The following LAMC2 variants were observed in gnomAD, a reference collection of about 807,000 sequenced individuals.
LAMC2 encodes laminin subunit gamma-2.
Under a neutral mutation model 140.2 loss-of-function variants are expected in LAMC2, and 97 were observed. The ratio of observed to expected loss-of-function variants is 0.69; its 90% CI spans 0.59 to 0.82. The LOEUF (loss-of-function observed/expected upper bound fraction) is 0.82. LAMC2 is among the 40% of genes least tolerant of loss of function. LAMC2 has a pLI of 0.00. For synonymous variants in LAMC2, 513 were observed against 540.2 expected, an observed-to-expected ratio of 0.95 and a Z score of 0.70; for missense variants, 1,402 against 1,476.1, an observed-to-expected ratio of 0.95 and a Z score of 0.82.
Position 183,223,203 on chromosome 1 carries a change from G to C in LAMC2, c.832G>C (p.Gly278Arg), listed in dbSNP as rs150293100. The change falls in exon 7 of 23, where the codon GGA becomes CGA. Residue 278 changes from glycine (G) to arginine (R), a missense_variant. This residue lies in a region of LAMC2 where 723 missense variants were observed against 783.3 expected (regional missense o/e 0.92). Transcript: ENST00000264144. ...SLSFDYRVDR[G>R]GRHPSAHDVI... is the part of the protein sequence containing the mutation. ...GTCCTTTGACTACCGTGTGGACAGA[G>C]GAGGCAGACACCCATCTGCCCATGA... is the stretch of plus-strand genomic sequence containing the variant. 71 of 1,614,010 alleles carry C rather than the reference G, an allele frequency of 4.4e-5. No homozygotes were observed. In the African/African-American group the frequency reaches 8.4e-4, roughly 19 times the overall value.
chr1:183,189,177 G>A lies in LAMC2; in HGVS notation c.79+2746G>A, dbSNP rs1658246696. 2.0e-5 allele frequency among the ~76,000 whole-genome samples: 3 copies of A among 152,330 alleles called. 1 individual carries two copies. Among genetic ancestry groups the A allele is most frequent in the Non-Finnish European group, 4.4e-5 (3 of 68,024 alleles). On this transcript the variant is annotated intron_variant, in intron 1 of 22. Coordinates refer to ENST00000264144, the MANE Select transcript of LAMC2 (RefSeq NM_005562.3). ...AAGAATGTGGTGATCCAATAAGTCT[G>A]TGTGTTAGGGATATGAGTATAGGAA...
chr1:183,203,399 A>G (rs931824032), intron 1 of LAMC2, among the ~76,000 whole-genome samples: 5 of 152,232 alleles, frequency 3.3e-5, no homozygotes, highest in Admixed American at 1.3e-4. Context: ...GACCACATAC[A>G]AGCTACATTA....
the LAMC2 span, chr1:183,252,249 G>T: frequency 5.5e-6 from 1 of 181,054 alleles, no homozygotes; most frequent in South Asian, 1.5e-4. Context: ...GCTGGGAGGA[G>T]GGGCACCAGA....
At chr1:183,258,245 A>G in the LAMC2 span, among the ~76,000 whole-genome samples, 1 of 152,194 alleles carries the variant, frequency 6.6e-6, no homozygotes, top group Non-Finnish European at 1.5e-5. Context: ...TCAGACCCAA[A>G]CGAACTATTT....
At chr1:183,203,565 C>A (rs952209954) in intron 1 of LAMC2, among the ~76,000 whole-genome samples, 33 of 140,886 alleles carry the variant, frequency 2.3e-4, no homozygotes, top group African/African-American at 8.6e-4. Context: ...TTGAGAGAGA[C>A]CATTTTTCAA....
rs752734891 is a variant in LAMC2 at position 183,235,655 on chromosome 1, G to C, written c.2381G>C (p.Arg794Pro). 3.6e-5 allele frequency: 58 copies of C among 1,614,098 alleles called. No homozygotes were observed. In the South Asian group the frequency reaches 6.3e-4, roughly 17 times the overall value. ...TCCAAACAAGCCCTCTCACTGGTGC[G>C]CAAGGCCCTGCATGAAGGAGTCGGA... The part of the protein sequence containing the change: ...DYSKQALSLV[R>P]KALHEGVGSG... Residue 794 changes from arginine (R) to proline (P), a missense_variant, in exon 16 of 23, where the codon CGC becomes CCC. This residue lies in a region of LAMC2 where 670 missense variants were observed against 667.2 expected (regional missense o/e 1.00). Coordinates refer to ENST00000264144, the MANE Select transcript of LAMC2 (RefSeq NM_005562.3).
At chr1:183,227,241 G>A (rs1200132394) in intron 9 of LAMC2, among the ~76,000 whole-genome samples, 2 of 152,150 alleles carry the variant, frequency 1.3e-5, no homozygotes, top group Admixed American at 6.5e-5. Context: ...CCGACAAATG[G>A]TGTCAGGCCA....
At chr1:183,207,760 T>A in intron 1 of LAMC2, 121 bp from the exon 2 acceptor site, 1 of 869,708 alleles carries the variant, frequency 1.1e-6, no homozygotes, top group South Asian at 1.4e-5. Context: ...GCAAGGAGTG[T>A]AGGTTACCAT....
chr1:183,240,709 G>A, intron 22 of LAMC2: 1 of 1,261,326 alleles, frequency 7.9e-7, no homozygotes, highest in African/African-American at 1.5e-5. Flanking sequence ...AGTCTGGCCT[G>A]GACCCTGAGA....
At chr1:183,250,548 G>C in the LAMC2 span, 1 of 152,656 alleles carries the variant, frequency 6.6e-6, no homozygotes, top group Non-Finnish European at 1.5e-5. Context: ...CGGCCTAGGG[G>C]TCAGGGAAAC....
At chr1:183,249,920 C>T (rs892176252), downstream of LAMC2, 2 of 152,162 alleles carry the variant, frequency 1.3e-5, no homozygotes, top group African/African-American at 4.8e-5. Flanking sequence ...ATTCATCTCA[C>T]TTTCCCTCCC....
intron 6 of LAMC2, 32 bp downstream of exon 6, chr1:183,222,243 C>A: frequency 1.2e-6 from 2 of 1,605,224 alleles, no homozygotes; most frequent in Non-Finnish European, 1.7e-6. Flanking sequence ...CTATAGAGGC[C>A]AGCTTATAGG....
chr1:183,243,124 T>C lies in LAMC2; in HGVS notation c.3329-23T>C, dbSNP rs930651582. 4 of 1,613,760 alleles carry C rather than the reference T, an allele frequency of 2.5e-6. No homozygotes were observed. In the African/African-American group the frequency reaches 5.3e-5, roughly 22 times the overall value. On this transcript the variant is annotated intron_variant, in intron 22 of 22. Coordinates refer to ENST00000264144, the MANE Select transcript of LAMC2 (RefSeq NM_005562.3). ...CTAACTACAGCTTTTCTATGTTAAC[T>C]TGTGTCTCATTCCTTGAAATAGACC...
chr1:183,220,868 G>A lies in LAMC2; in HGVS notation c.547G>A (p.Gly183Ser). 6.2e-7 allele frequency: 1 copy of A among 1,613,934 alleles called. No individual in the cohort carries two copies. Among genetic ancestry groups the A allele is most frequent in the South Asian group, 1.1e-5 (1 of 91,064 alleles). The change falls in exon 5 of 23, where the codon GGC becomes AGC. Residue 183 changes from glycine (G) to serine (S), a missense_variant. Physicochemically the swap from Gly to Ser is moderately conservative, Grantham distance 56. Coordinates refer to ENST00000264144, the MANE Select transcript of LAMC2 (RefSeq NM_005562.3). The stretch of plus-strand genomic sequence containing the variant: ...TAATCTGGATGGGGGGAACCCTGAG[G>A]GCTGTACCCAGTGTTTCTGCTATGG... ...YYNLDGGNPE[G>S]CTQCFCYGHS... is the part of the protein sequence containing the mutation.
chr1:183,218,555 C>T lies in LAMC2; in HGVS notation c.503+67C>T, dbSNP rs115450608. ...CTTGCCAACTAGCATGAGAATTAAT[C>T]CTCCGAGTGTAATTATGGAAAAGGG... is the stretch of plus-strand genomic sequence containing the variant. On this transcript the variant is annotated intron_variant, in intron 4 of 22. Coordinates refer to ENST00000264144, the MANE Select transcript of LAMC2 (RefSeq NM_005562.3). 5.0e-3 allele frequency: 5,780 copies of T among 1,161,198 alleles called. 20 individuals carry two copies. The highest frequency in any genetic ancestry group is 6.4e-3 in the Non-Finnish European group (5,013 of 784,746). The allele number at this position is 1,161,198 out of a possible 1,614,324, so 71.9% of individuals were successfully genotyped here. A position where few individuals can be genotyped will look rare whatever the true frequency, so the allele number is the denominator to read the frequency against.
At chr1:183,253,370 G>A in the LAMC2 span, among the ~76,000 whole-genome samples, 5 of 149,680 alleles carry the variant, frequency 3.3e-5, no homozygotes, top group Non-Finnish European at 7.4e-5. Context: ...AATGGTTACT[G>A]TAGTGGACCA....
chr1:183,237,527 A>T (rs1660004318), intron 18 of LAMC2, 23 bp downstream of exon 18: 3 of 1,597,950 alleles, frequency 1.9e-6, no homozygotes, highest in Non-Finnish European at 2.6e-6. Flanking sequence ...TAATTCATTC[A>T]CTCAATAAAG....
chr1:183,240,427 ATGCTCCAGGGCTT>A, intron 22 of LAMC2, 36 bp downstream of exon 22: 1 of 1,613,228 alleles, frequency 6.2e-7, no homozygotes, highest in Non-Finnish European at 8.5e-7. Context: ...TTCCAGCTCC[ATGCTCCAGGGCTT>A]TGCTCCAGAA....
At chr1:183,208,969 G>A (rs925688999) in intron 2 of LAMC2, among the ~76,000 whole-genome samples, 6 of 150,228 alleles carry the variant, frequency 4.0e-5, no homozygotes, top group Admixed American at 6.7e-5. Context: ...GTGAGCCACC[G>A]CGCCTGGCTA....
Sources: gnomAD v4.1 joint callset for allele counts (sites outside exome capture counted in the v4.1 genomes callset) on GRCh38, gnomAD v4.1.1 for gene constraint, gnomAD v4.1.1 regional missense constraint, MANE v1.5 for transcripts, NCBI Gene and HGNC (gene_info 2026-07-23, HGNC 2026-07-21) for gene names.